Variants in KCNMB2 observed in about 807,000 individuals in gnomAD.
The protein encoded by KCNMB2 is potassium calcium-activated channel subfamily M regulatory beta subunit 2.
KCNMB2 carries 9 observed loss-of-function variants against 24.5 expected under a neutral mutation model. The ratio of observed to expected loss-of-function variants is 0.37; its 90% confidence interval spans 0.22 to 0.64. The LOEUF is 0.64. Among genes scored for constraint, KCNMB2 ranks in the 30% least tolerant of loss-of-function variants. KCNMB2 has a pLI of 0.63. For missense variants in KCNMB2, 226 were observed against 284.3 expected, an observed-to-expected ratio of 0.79 and a Z score of 1.47; for synonymous variants, 109 against 104.4, an observed-to-expected ratio of 1.04 and a Z score of -0.27.
intron 1 of KCNMB2, among the ~76,000 whole-genome samples, chr3:178,722,169 A>T (rs778838720): frequency 2.6e-5 from 4 of 152,128 alleles, no homozygotes; most frequent in Non-Finnish European, 4.4e-5. Context: ...TTGATGTTAT[A>T]GCTTTTACCT....
chr3:178,788,921 G>T (rs766831599), intron 1 of KCNMB2, among the ~76,000 whole-genome samples: 1 of 152,080 alleles, frequency 6.6e-6, no homozygotes, highest in African/African-American at 2.4e-5. Context: ...CACCCAACTC[G>T]GTGCCTGCCA....
At chr3:178,539,409 A>G (rs1462929946) in intron 1 of KCNMB2, among the ~76,000 whole-genome samples, 1 of 152,194 alleles carries the variant, frequency 6.6e-6, no homozygotes, top group Non-Finnish European at 1.5e-5. Flanking sequence ...CTCTTCATAC[A>G]TTTGCACGGT....
intron 4 of KCNMB2, among the ~76,000 whole-genome samples, chr3:178,837,734 T>C (rs1278994806): frequency 6.6e-6 from 1 of 152,014 alleles, no homozygotes; most frequent in Non-Finnish European, 1.5e-5. Context: ...CCCACATGCA[T>C]GCAATGAAAG....
chr3:178,567,244 T>C (rs980919801), intron 1 of KCNMB2, among the ~76,000 whole-genome samples: 1 of 152,172 alleles, frequency 6.6e-6, no homozygotes, highest in African/African-American at 2.4e-5. Context: ...AGAGTGTGTG[T>C]GTGTGTCTAA....
chr3:178,815,457 C>A (rs1714367624), intron 2 of KCNMB2, among the ~76,000 whole-genome samples: 1 of 152,048 alleles, frequency 6.6e-6, no homozygotes, highest in African/African-American at 2.4e-5. Flanking sequence ...TCTATAGATT[C>A]TTTTGTATTT....
At chr3:178,804,122 G>C (rs1713874734) in intron 1 of KCNMB2, among the ~76,000 whole-genome samples, 1 of 152,174 alleles carries the variant, frequency 6.6e-6, no homozygotes, top group Non-Finnish European at 1.5e-5. Context: ...TGTTTTACGT[G>C]AGGATTCCAA....
intron 1 of KCNMB2, among the ~76,000 whole-genome samples, chr3:178,696,889 A>G (rs1721899403): frequency 6.6e-6 from 1 of 152,056 alleles, no homozygotes; most frequent in Non-Finnish European, 1.5e-5. Flanking sequence ...GAAGGAAGTC[A>G]TTCAATTTAC....
At chr3:178,755,992 T>C (rs888315969) in intron 1 of KCNMB2, among the ~76,000 whole-genome samples, 3 of 152,156 alleles carry the variant, frequency 2.0e-5, no homozygotes, top group African/African-American at 4.8e-5. Context: ...GAGGAGGATA[T>C]AAATTATTAC....
chr3:178,755,018 A>G (rs1241276527), intron 1 of KCNMB2, among the ~76,000 whole-genome samples: 1 of 152,218 alleles, frequency 6.6e-6, no homozygotes, highest in Admixed American at 6.5e-5. Context: ...CAGATGGACC[A>G]TTTCCCCATT....
At chr3:178,672,016 A>T (rs1720917044) in intron 1 of KCNMB2, among the ~76,000 whole-genome samples, 2 of 152,138 alleles carry the variant, frequency 1.3e-5, no homozygotes, top group Non-Finnish European at 2.9e-5. Context: ...ATCATCTCTC[A>T]CTGGGCATGT....
intron 1 of KCNMB2, among the ~76,000 whole-genome samples, chr3:178,634,908 G>T (rs1447010197): frequency 6.6e-6 from 1 of 152,136 alleles, no homozygotes; most frequent in Non-Finnish European, 1.5e-5. Flanking sequence ...GCCAGGCCTA[G>T]GGTAAAATGG....
At chr3:178,660,450 C>T (rs1720486059) in intron 1 of KCNMB2, among the ~76,000 whole-genome samples, 1 of 152,110 alleles carries the variant, frequency 6.6e-6, no homozygotes, top group African/African-American at 2.4e-5. Flanking sequence ...GGGGCCCCTT[C>T]CCAAGAAGGA....
intron 1 of KCNMB2, among the ~76,000 whole-genome samples, chr3:178,622,592 A>C (rs181957987): frequency 9.8e-5 from 15 of 152,362 alleles, no homozygotes; most frequent in African/African-American, 3.6e-4. Context: ...GAGTCACCAC[A>C]GGCAAGGTTG....
At chr3:178,616,249 A>T (rs1278910741) in intron 1 of KCNMB2, among the ~76,000 whole-genome samples, 1 of 152,186 alleles carries the variant, frequency 6.6e-6, no homozygotes, top group Non-Finnish European at 1.5e-5. Context: ...CTCACGTAAG[A>T]GTTGCAGTCC....
At chr3:178,796,256 G>C (rs974467311) in intron 1 of KCNMB2, among the ~76,000 whole-genome samples, 5 of 152,118 alleles carry the variant, frequency 3.3e-5, no homozygotes, top group African/African-American at 1.2e-4. Context: ...GGAGCCCCTA[G>C]ATATAAAAAG....
intron 1 of KCNMB2, among the ~76,000 whole-genome samples, chr3:178,603,923 G>A (rs1560127092): frequency 6.6e-6 from 1 of 152,166 alleles, no homozygotes; most frequent in African/African-American, 2.4e-5. Flanking sequence ...GAGTATCAGT[G>A]ACACAGTTCA....
intron 1 of KCNMB2, among the ~76,000 whole-genome samples, chr3:178,585,641 G>A (rs1717399548): frequency 6.6e-6 from 1 of 152,188 alleles, no homozygotes; most frequent in African/African-American, 2.4e-5. Flanking sequence ...TCAGGGTTCA[G>A]TCTGACTTGC....
chr3:178,677,042 G>A (rs1048279498), intron 1 of KCNMB2, among the ~76,000 whole-genome samples: 5 of 152,078 alleles, frequency 3.3e-5, no homozygotes, highest in Non-Finnish European at 7.4e-5. Flanking sequence ...GGCCCTGCTC[G>A]CCTCACCACA....
intron 1 of KCNMB2, among the ~76,000 whole-genome samples, chr3:178,751,589 A>T (rs1296528474): frequency 5.5e-4 from 83 of 150,198 alleles, no homozygotes; most frequent in African/African-American, 2.0e-3. Flanking sequence ...AAAAAAAAAA[A>T]AAAAAAAAAA....
Sources: gnomAD v4.1 joint callset for allele counts (sites outside exome capture counted in the v4.1 genomes callset) on GRCh38, gnomAD v4.1.1 for gene constraint, MANE v1.5 for transcripts, NCBI Gene and HGNC (gene_info 2026-07-23, HGNC 2026-07-21) for gene names.